Variants in DMRT1 observed in about 807,000 individuals in gnomAD.
DMRT1 encodes doublesex- and mab-3-related transcription factor 1.
In DMRT1, 7 loss-of-function variants were observed where a neutral mutation model predicts 32.3. That is an observed-to-expected ratio of 0.22 (90% confidence interval 0.12 to 0.41). The LOEUF (loss-of-function observed/expected upper bound fraction) is 0.41, where lower values mean the gene tolerates loss of function less well. Ranked by LOEUF, DMRT1 falls within the 10% of genes least tolerant of loss-of-function variation. DMRT1 has a pLI of 1.00. For synonymous variants in DMRT1, 278 were observed against 206.1 expected (o/e 1.35, Z -2.99); for missense variants, 625 against 500.5 (o/e 1.25, Z -2.37).
intron 4 of DMRT1, among the ~76,000 whole-genome samples, chr9:963,539 A>G (rs1819842279): frequency 1.3e-5 from 2 of 152,222 alleles, no homozygotes; most frequent in Non-Finnish European, 2.9e-5. Context: ...GAGTGCAGGC[A>G]TGAACTGGAA....
intron 1 of DMRT1, among the ~76,000 whole-genome samples, chr9:846,660 A>G (rs1838919454): frequency 6.6e-6 from 1 of 152,148 alleles, no homozygotes; most frequent in Admixed American, 6.6e-5. Flanking sequence ...AGCCCACCGT[A>G]GCCTCAAACT....
chr9:959,162 T>TA (rs1333098593), intron 4 of DMRT1, among the ~76,000 whole-genome samples: 2 of 152,238 alleles, frequency 1.3e-5, no homozygotes, highest in East Asian at 1.9e-4. Flanking sequence ...AGACGACTCG[T>TA]AGAGCATCTT....
chr9:846,620 T>G (rs1037263736), intron 1 of DMRT1, among the ~76,000 whole-genome samples: 1 of 151,434 alleles, frequency 6.6e-6, no homozygotes, highest in Non-Finnish European at 1.5e-5. Flanking sequence ...TTGCTCTGTC[T>G]CCCAGGCTGG....
chr9:933,952 C>T (rs1340376049), intron 4 of DMRT1, among the ~76,000 whole-genome samples: 1 of 151,898 alleles, frequency 6.6e-6, no homozygotes, highest in Non-Finnish European at 1.5e-5. Flanking sequence ...GGAGCTGTTA[C>T]TGACAGACTT....
At chr9:927,996 C>T (rs1231274254) in intron 4 of DMRT1, among the ~76,000 whole-genome samples, 1 of 152,196 alleles carries the variant, frequency 6.6e-6, no homozygotes, top group Non-Finnish European at 1.5e-5. Flanking sequence ...TCCTGTTGAG[C>T]ACATATGCTT....
At chr9:942,318 G>T (rs767114437) in intron 4 of DMRT1, among the ~76,000 whole-genome samples, 8 of 152,150 alleles carry the variant, frequency 5.3e-5, no homozygotes, top group Non-Finnish European at 8.8e-5. Flanking sequence ...GTGTCACCCA[G>T]GCTGGAGTGA....
chr9:966,059 G>A (rs905968057), intron 4 of DMRT1, among the ~76,000 whole-genome samples: 4 of 152,062 alleles, frequency 2.6e-5, no homozygotes, highest in South Asian at 2.1e-4. Context: ...GCTCTTAGTC[G>A]GCTCTCCAGA....
rs565357830 is a variant in DMRT1 at position 877,234 on chromosome 9, T to A, written c.539-16678T>A. Among the ~76,000 whole-genome samples, 4 of 152,290 alleles carry A rather than the reference T, an allele frequency of 2.6e-5. No homozygotes were observed. The South Asian group carries it at 8.3e-4, about 32-fold the overall frequency. Reference sequence around the variant, plus strand: ...TCTTTTAATGTCAAAGAAGCTTTATTCCAAAGGAATAAAAAAATTGAGTGG... The same window carrying A: ...TCTTTTAATGTCAAAGAAGCTTTATACCAAAGGAATAAAAAAATTGAGTGG... On this transcript the variant is annotated intron_variant, in intron 2 of 4. Transcript: ENST00000382276.
intron 3 of DMRT1, 105 bp downstream of exon 3, chr9:894,300 G>C: frequency 8.0e-7 from 1 of 1,252,720 alleles, no homozygotes; most frequent in Non-Finnish European, 1.2e-6. Flanking sequence ...TGTGCGCCCA[G>C]AGGCACACAC....
chr9:905,791 C>G (rs1362830540), intron 3 of DMRT1, among the ~76,000 whole-genome samples: 1 of 152,074 alleles, frequency 6.6e-6, no homozygotes, highest in Non-Finnish European at 1.5e-5. Context: ...TGTGAGCCTC[C>G]TTTTGTGGAT....
intron 4 of DMRT1, among the ~76,000 whole-genome samples, chr9:955,026 T>C (rs373783484): frequency 6.6e-6 from 1 of 152,016 alleles, no homozygotes; most frequent in Admixed American, 6.6e-5. Flanking sequence ...TGCAATGAGG[T>C]GATATTTAAA....
chr9:861,630 A>T (rs10125875), intron 2 of DMRT1, among the ~76,000 whole-genome samples: 14 of 143,626 alleles, frequency 9.7e-5, no homozygotes, highest in Non-Finnish European at 2.0e-4. Context: ...ACTTCCCAGA[A>T]GGGGCAGCGG....
intron 4 of DMRT1, among the ~76,000 whole-genome samples, chr9:928,257 C>T (rs1446860039): frequency 1.3e-5 from 2 of 152,244 alleles, no homozygotes; most frequent in Non-Finnish European, 2.9e-5. Context: ...GCCGGCTCTG[C>T]AGTCCCATGA....
At chr9:898,175 A>G (rs1564234070) in intron 3 of DMRT1, among the ~76,000 whole-genome samples, 1 of 150,514 alleles carries the variant, frequency 6.6e-6, no homozygotes, top group Non-Finnish European at 1.5e-5. Context: ...GCTGGCGTGC[A>G]GTGGCGTGAT....
chr9:931,351 T>C (rs1177735254), intron 4 of DMRT1, among the ~76,000 whole-genome samples: 1 of 152,248 alleles, frequency 6.6e-6, no homozygotes, highest in Non-Finnish European at 1.5e-5. Flanking sequence ...CTCCAGTTCT[T>C]TGAATTCAAC....
chr9:874,786 C>T (rs995489969), intron 2 of DMRT1, among the ~76,000 whole-genome samples: 1 of 147,940 alleles, frequency 6.8e-6, no homozygotes, highest in Non-Finnish European at 1.5e-5. Flanking sequence ...ACAATAACAA[C>T]AACAACAAGT....
Position 968,294 on chromosome 9 carries a change from C to A in DMRT1, c.*155C>A, listed in dbSNP as rs1175706754. The A allele has an allele frequency of 5.8e-6, 5 of 855,082 alleles. No homozygotes were observed. The highest frequency in any genetic ancestry group is 3.5e-4 in the Middle Eastern group (1 of 2,878). 53.0% of individuals were successfully genotyped at this position (855,082 alleles called of 1,614,324 possible). A position where few individuals can be genotyped will look rare whatever the true frequency, so the allele number is the denominator to read the frequency against. ...AGAGTTTAGTCCAGAGGCTGTAACA[C>A]ATTTGTAATACTTTAGGGTCCGTGA... is the stretch of plus-strand genomic sequence containing the variant. On this transcript the variant is annotated 3_prime_UTR_variant, in exon 5 of 5. Transcript: ENST00000382276.
rs1589442468 is a variant in DMRT1 at position 847,196 on chromosome 9, AG to A, written c.538+56del. ...GGAGGCTGGGCATGAGGGAGGCCGA[AG>A]GGTTGCAGCCACAGAAGCAGGGCTC... On this transcript the variant is annotated intron_variant, in intron 2 of 4. Transcript: ENST00000382276. 1.9e-6 allele frequency: 3 copies of A among 1,585,274 alleles called. No individual in the cohort carries two copies. The East Asian group carries it at 6.7e-5, about 36-fold the overall frequency.
intron 3 of DMRT1, among the ~76,000 whole-genome samples, chr9:899,867 C>G (rs1251178612): frequency 6.6e-6 from 1 of 152,230 alleles, no homozygotes; most frequent in Non-Finnish European, 1.5e-5. Flanking sequence ...TTTTCCAAAG[C>G]TTGTGCCCCC....
Sources: gnomAD v4.1 joint callset for allele counts (sites outside exome capture counted in the v4.1 genomes callset) on GRCh38, gnomAD v4.1.1 for gene constraint, MANE v1.5 for transcripts, NCBI Gene and HGNC (gene_info 2026-07-23, HGNC 2026-07-21) for gene names.